The following ICE1 variants were observed in gnomAD, a reference collection of about 807,000 sequenced individuals.
The protein encoded by ICE1 is little elongation complex subunit 1.
In ICE1, 64 loss-of-function variants were observed where a neutral mutation model predicts 192.7. The observed-to-expected ratio is 0.33, with a 90% CI of 0.27 to 0.41. The LOEUF (loss-of-function observed/expected upper bound fraction) is 0.41. Ranked by LOEUF, ICE1 falls within the 10% of genes least tolerant of loss-of-function variation. The pLI, the probability that ICE1 is intolerant of heterozygous loss-of-function variation, is 1.00. For missense variants in ICE1, 2,708 were observed against 2,696.0 expected (o/e 1.00, Z -0.10); for synonymous variants, 1,010 against 984.5 (o/e 1.03, Z -0.49).
chr5:5,430,237 G>A (rs916390406), intron 1 of ICE1, among the ~76,000 whole-genome samples: 2 of 152,086 alleles, frequency 1.3e-5, no homozygotes, highest in East Asian at 3.9e-4. Flanking sequence ...TCACAATTGC[G>A]AGGTTCATTA....
intron 11 of ICE1, among the ~76,000 whole-genome samples, chr5:5,455,103 C>T (rs1246849615): frequency 6.6e-6 from 1 of 152,182 alleles, no homozygotes; most frequent in Admixed American, 6.5e-5. Context: ...GAGCAGATAG[C>T]TGTCTTGTAT....
Position 5,464,674 on chromosome 5 carries a change from T to C in ICE1, c.5340T>C (p.Pro1780=), listed in dbSNP as rs1738923747. Residue 1780 remains proline, a synonymous_variant, in exon 13 of 19, where the codon CCT becomes CCC. Transcript: ENST00000296564. The surrounding 1 kb of genome is among the most constrained non-coding windows in gnomAD (Gnocchi z 4.0). The stretch of plus-strand genomic sequence containing the variant: ...ATATTCAACTCACACGAGGTCCGCC[T>C]GCTGACTGTAAGAATTTACCGGGAC... The part of the protein sequence containing the change: ...KGNIQLTRGP[P]ADCKNLPGPA... The C allele has an allele frequency of 6.2e-7, 1 of 1,613,918 alleles. No homozygotes were observed. The highest frequency in any genetic ancestry group is 8.5e-7 in the Non-Finnish European group (1 of 1,179,862).
chr5:5,422,781 C>T lies in ICE1; in HGVS notation c.-135C>T, dbSNP rs973148203. 6.0e-6 allele frequency: 3 copies of T among 497,828 alleles called. No homozygotes were observed. The highest frequency in any genetic ancestry group is 9.3e-6 in the Non-Finnish European group (3 of 323,994). 30.8% of individuals were successfully genotyped at this position (497,828 alleles called of 1,614,324 possible). ...TGCTAGCCCCACGGGGACCTCTGTG[C>T]ACGGATGGACCCGCCCGGACCTGGC... On this transcript the variant is annotated 5_prime_UTR_variant, in exon 1 of 19. Coordinates refer to ENST00000296564, the MANE Select transcript of ICE1 (RefSeq NM_015325.3).
chr5:5,438,343 C>G (rs1315499170), intron 3 of ICE1, among the ~76,000 whole-genome samples: 1 of 152,182 alleles, frequency 6.6e-6, no homozygotes, highest in Non-Finnish European at 1.5e-5. Context: ...TGGGTGGGGA[C>G]ACAGCCAGAC....
intron 1 of ICE1, among the ~76,000 whole-genome samples, chr5:5,435,683 T>TC (rs1737853244): frequency 6.2e-5 from 7 of 113,056 alleles, no homozygotes; most frequent in Admixed American, 2.2e-4. Context: ...GTTTTGTTTT[T>TC]GTTTTTTTTT....
chr5:5,486,354 A>G (rs974826141), intron 17 of ICE1, among the ~76,000 whole-genome samples: 1 of 152,232 alleles, frequency 6.6e-6, no homozygotes, highest in Non-Finnish European at 1.5e-5. Flanking sequence ...AGTTTGACTT[A>G]GAGGACACTA....
At chr5:5,438,176 G>A (rs1737928783) in intron 3 of ICE1, among the ~76,000 whole-genome samples, 1 of 152,194 alleles carries the variant, frequency 6.6e-6, no homozygotes. Context: ...AGCGAAGCGG[G>A]GAAAAGCCCC....
chr5:5,481,030 A>C (rs1428962860), intron 17 of ICE1, among the ~76,000 whole-genome samples: 4 of 152,234 alleles, frequency 2.6e-5, no homozygotes, highest in Non-Finnish European at 4.4e-5. Flanking sequence ...TAGGGAACAC[A>C]GGAGGGTCAG....
chr5:5,455,373 G>T (rs979739728), intron 11 of ICE1, among the ~76,000 whole-genome samples: 12 of 152,150 alleles, frequency 7.9e-5, no homozygotes, highest in African/African-American at 2.9e-4. Flanking sequence ...CAGTTCACCT[G>T]CCAGGTACCC....
chr5:5,460,679 C>G lies in ICE1; in HGVS notation c.1345C>G (p.Leu449Val), dbSNP rs1294556504. ...TGGACTCGAGACTTTCACAGCAACA[C>G]TGAGAGAATCTTCTGCCACACACTC... ...TSGLETFTAT[L>V]RESSATHSLV... The change falls in exon 13 of 19, where the codon CTG (leucine) becomes GTG (valine). Residue 449 changes from leucine to valine, a missense_variant. This residue lies in a region of ICE1 where 2,366 missense variants were observed against 2,276.6 expected (regional missense o/e 1.04). Coordinates refer to ENST00000296564, the MANE Select transcript of ICE1 (RefSeq NM_015325.3). 1.2e-6 allele frequency: 2 copies of G among 1,613,840 alleles called. No homozygotes were observed. The highest frequency in any genetic ancestry group is 2.2e-5 in the East Asian group (1 of 44,900).
At chr5:5,468,257 A>T (rs1337146771) in intron 14 of ICE1, among the ~76,000 whole-genome samples, 1 of 152,202 alleles carries the variant, frequency 6.6e-6, no homozygotes, top group Non-Finnish European at 1.5e-5. Flanking sequence ...GGGTGAGGTG[A>T]TATACTGCAG....
intron 17 of ICE1, among the ~76,000 whole-genome samples, chr5:5,485,101 A>G (rs986284635): frequency 2.6e-5 from 4 of 151,994 alleles, no homozygotes; most frequent in Non-Finnish European, 4.4e-5. Flanking sequence ...TGTGATCTCC[A>G]TCCTTGGATC....
At chr5:5,458,322 C>T (rs1345108094) in intron 12 of ICE1, among the ~76,000 whole-genome samples, 2 of 152,114 alleles carry the variant, frequency 1.3e-5, no homozygotes, top group African/African-American at 4.8e-5. Flanking sequence ...TGTTATGTTC[C>T]AGGGACCAGG....
intron 10 of ICE1, among the ~76,000 whole-genome samples, chr5:5,448,405 C>T (rs1364886405): frequency 1.3e-5 from 2 of 152,202 alleles, no homozygotes; most frequent in African/African-American, 4.8e-5. Flanking sequence ...AATGTGGACA[C>T]ACACTGCGTT....
chr5:5,437,247 T>C, intron 3 of ICE1, 133 bp downstream of exon 3: 1 of 634,252 alleles, frequency 1.6e-6, no homozygotes, highest in Non-Finnish European at 2.8e-6. Flanking sequence ...GGAGCATGTC[T>C]CACAAGCACA....
chr5:5,457,693 T>C lies in ICE1; in HGVS notation c.1053T>C (p.Pro351=), dbSNP rs748627310. The stretch of plus-strand genomic sequence containing the variant: ...TTCTGTCACCAGTGCCCTCGCCCCC[T>C]CCGATGTCATCACCTCACCCGGGTT... The part of the protein sequence containing the change: ...PPLLSPVPSP[P]PMSSPHPGSL... The change falls in exon 12 of 19, where the codon CCT becomes CCC. Residue 351 remains proline, a synonymous_variant. Coordinates refer to ENST00000296564, the MANE Select transcript of ICE1 (RefSeq NM_015325.3). 4 of 1,613,708 alleles carry C rather than the reference T, an allele frequency of 2.5e-6. No homozygotes were observed. Among genetic ancestry groups the C allele is most frequent in the Admixed American group, 1.7e-5 (1 of 59,986 alleles).
intron 11 of ICE1, among the ~76,000 whole-genome samples, chr5:5,456,992 C>T (rs925661288): frequency 6.6e-6 from 1 of 152,132 alleles, no homozygotes; most frequent in Non-Finnish European, 1.5e-5. Context: ...CTGCCAGATT[C>T]TGCTGTTTGT....
chr5:5,463,680 C>T lies in ICE1; in HGVS notation c.4346C>T (p.Pro1449Leu). ...VTLCDIPGDI[P>L]ISQDQGELEA... The stretch of plus-strand genomic sequence containing the variant: ...CTGTGTGACATTCCTGGAGACATCC[C>T]TATTTCTCAGGATCAAGGAGAGCTG... The change falls in exon 13 of 19, where the codon CCT becomes CTT. Residue 1449 changes from proline (P) to leucine (L), a missense_variant. This residue lies in a region of ICE1 where 2,366 missense variants were observed against 2,276.6 expected (regional missense o/e 1.04). Transcript: ENST00000296564. The T allele has an allele frequency of 6.2e-7, 1 of 1,613,884 alleles. No individual in the cohort carries two copies. Among genetic ancestry groups the T allele is most frequent in the African/African-American group, 1.3e-5 (1 of 75,050 alleles).
intron 7 of ICE1, among the ~76,000 whole-genome samples, chr5:5,445,494 C>T (rs943472180): frequency 2.0e-5 from 3 of 151,860 alleles, no homozygotes; most frequent in African/African-American, 7.3e-5. Flanking sequence ...ACAGGTGGTG[C>T]GATCTCGGCT....
Sources: allele counts gnomAD v4.1 joint callset (sites outside exome capture counted in the v4.1 genomes callset), GRCh38; gene constraint gnomAD v4.1.1; regional missense constraint gnomAD v4.1.1; non-coding constraint Gnocchi (gnomAD v3.1); transcripts MANE v1.5; gene names NCBI Gene and HGNC (gene_info 2026-07-23, HGNC 2026-07-21).